Variants in IL1RAPL1 observed in about 807,000 individuals in gnomAD.
IL1RAPL1 encodes the protein interleukin 1 receptor accessory protein like 1.
Under a neutral mutation model 48.4 loss-of-function variants are expected in IL1RAPL1, and 3 were observed. That is an observed-to-expected ratio of 0.06 (90% CI 0.03 to 0.16). The LOEUF is 0.16. Among genes scored for constraint, IL1RAPL1 ranks in the 10% least tolerant of loss-of-function variants. The pLI is 1.00. For synonymous variants in IL1RAPL1, 185 were observed against 187.7 expected (o/e 0.99, Z 0.12); for missense variants, 349 against 530.6 (o/e 0.66, Z 3.36).
chrX:29,062,989 A>G (rs1927374589), intron 2 of IL1RAPL1, among the ~76,000 whole-genome samples: 1 of 111,762 alleles, frequency 8.9e-6, no homozygotes, highest in Admixed American at 9.6e-5. Context: ...CTGAGCCTTA[A>G]ATTAGAAGAG....
chrX:29,787,851 C>G (rs1929537153), intron 6 of IL1RAPL1, among the ~76,000 whole-genome samples: 1 of 112,012 alleles, frequency 8.9e-6, no homozygotes, highest in Non-Finnish European at 1.9e-5. Flanking sequence ...CTAACATAAA[C>G]AGTATCCTTA....
chrX:28,800,151 G>C (rs890802850), intron 2 of IL1RAPL1, among the ~76,000 whole-genome samples: 1 of 111,350 alleles, frequency 9.0e-6, no homozygotes, highest in African/African-American at 3.3e-5. Flanking sequence ...GTTTTCCTTG[G>C]GTTGTAGCTG....
chrX:29,317,575 G>T (rs944906177), intron 3 of IL1RAPL1, among the ~76,000 whole-genome samples: 2 of 112,147 alleles, frequency 1.8e-5, no homozygotes, highest in Non-Finnish European at 3.8e-5. Context: ...GGAGCATCAT[G>T]AAATTTACCA....
chrX:29,741,924 A>C (rs1928213306), intron 6 of IL1RAPL1, among the ~76,000 whole-genome samples: 1 of 100,865 alleles, frequency 9.9e-6, no homozygotes, highest in Non-Finnish European at 2.0e-5. Flanking sequence ...GACTCCGTCA[A>C]AAAAAAAAAA....
chrX:29,106,258 A>G, intron 2 of IL1RAPL1, among the ~76,000 whole-genome samples: 1 of 111,249 alleles, frequency 9.0e-6, no homozygotes, highest in East Asian at 2.8e-4. Flanking sequence ...ATATTGGGAT[A>G]GCCTCTGGTG....
At chrX:28,692,555 G>A (rs1327852639) in intron 1 of IL1RAPL1, among the ~76,000 whole-genome samples, 1 of 111,425 alleles carries the variant, frequency 9.0e-6, no homozygotes, top group Non-Finnish European at 1.9e-5. Flanking sequence ...AAACTCACAT[G>A]TAGAAGCCAC....
At chrX:29,410,492 G>A (rs1934130335) in intron 5 of IL1RAPL1, among the ~76,000 whole-genome samples, 2 of 109,831 alleles carry the variant, frequency 1.8e-5, no homozygotes, top group African/African-American at 3.3e-5. Context: ...TGCTTGCCAA[G>A]TACCTAATAT....
At chrX:29,562,082 AATCT>A (rs1295199167) in intron 5 of IL1RAPL1, among the ~76,000 whole-genome samples, 1 of 69,350 alleles carries the variant, frequency 1.4e-5, no homozygotes, top group African/African-American at 6.9e-5. Flanking sequence ...CTATCTATCT[AATCT>A]ATCTGTCTAT....
intron 1 of IL1RAPL1, among the ~76,000 whole-genome samples, chrX:28,674,726 G>A (rs187813722): frequency 2.7e-5 from 3 of 111,716 alleles, no homozygotes; most frequent in African/African-American, 9.7e-5. Context: ...GTAGACTTAT[G>A]TTTTAATAGC....
In IL1RAPL1 at chrX:29,920,153, A is replaced by T. The variant is rs970231054; in HGVS notation, c.1057+59A>T. The T allele has an allele frequency of 2.6e-6, 3 of 1,161,963 alleles. No homozygotes were observed. The African/African-American group carries it at 5.3e-5, about 21-fold the overall frequency. Reference sequence around the variant, plus strand: ...TGAATGTATGATGGGAGAAAAAATCATTGGGAACCAAGAAACAAATTTAGT... The same window carrying T: ...TGAATGTATGATGGGAGAAAAAATCTTTGGGAACCAAGAAACAAATTTAGT... On this transcript the variant is annotated intron_variant, in intron 8 of 10. Coordinates refer to ENST00000378993, the MANE Select transcript of IL1RAPL1 (RefSeq NM_014271.4).
rs1933955056 is a variant in IL1RAPL1, at chrX:29,399,045, T to C, written c.550-110T>C. Reference sequence around the variant, plus strand: ...ATTATTTAGCATTAGTTTCAAACTTTTTAGTCCCTTTAAAATGCAATTTTA... The same window carrying C: ...ATTATTTAGCATTAGTTTCAAACTTCTTAGTCCCTTTAAAATGCAATTTTA... On this transcript the variant is annotated intron_variant, in intron 4 of 10. Coordinates refer to ENST00000378993, the MANE Select transcript of IL1RAPL1 (RefSeq NM_014271.4). The C allele has an allele frequency of 7.1e-6, 4 of 560,700 alleles. No individual in the cohort carries two copies. The South Asian group carries it at 1.2e-4, about 17-fold the overall frequency. The allele number at this position is 560,700 out of a possible 1,213,427, so 46.2% of individuals were successfully genotyped here.
At chrX:29,184,666 A>G (rs932935604) in intron 2 of IL1RAPL1, among the ~76,000 whole-genome samples, 1 of 109,905 alleles carries the variant, frequency 9.1e-6, no homozygotes, top group Non-Finnish European at 1.9e-5. Flanking sequence ...ACACATGGCT[A>G]CTTTTTGTAT....
At chrX:29,072,991 C>A (rs180852600) in intron 2 of IL1RAPL1, among the ~76,000 whole-genome samples, 2 of 111,805 alleles carry the variant, frequency 1.8e-5, no homozygotes, top group Middle Eastern at 4.6e-3. Context: ...TGTGCTTTCA[C>A]AGTCACCCTG....
At chrX:29,916,185 T>C (rs1298811334) in intron 6 of IL1RAPL1, among the ~76,000 whole-genome samples, 1 of 102,965 alleles carries the variant, frequency 9.7e-6, no homozygotes, top group Non-Finnish European at 2.0e-5. Context: ...GTCTTTGCTA[T>C]TGTGAATAAT....
At chrX:29,352,189 G>C (rs1159410765) in intron 3 of IL1RAPL1, among the ~76,000 whole-genome samples, 1 of 111,494 alleles carries the variant, frequency 9.0e-6, no homozygotes, top group Admixed American at 9.5e-5. Flanking sequence ...TCACCACAGA[G>C]AGCAATAGCT....
At chrX:29,135,503 T>G (rs2147487420) in intron 2 of IL1RAPL1, among the ~76,000 whole-genome samples, 1 of 111,876 alleles carries the variant, frequency 8.9e-6, no homozygotes, top group South Asian at 3.7e-4. Context: ...AAGTTGTAAA[T>G]GAATTATACA....
At chrX:29,597,812 C>T (rs912068945) in intron 5 of IL1RAPL1, among the ~76,000 whole-genome samples, 2 of 111,977 alleles carry the variant, frequency 1.8e-5, no homozygotes, top group African/African-American at 3.2e-5. Context: ...AGTTTATGCA[C>T]GTAAAGGTGT....
intron 3 of IL1RAPL1, among the ~76,000 whole-genome samples, chrX:29,304,556 G>A (rs763549999): frequency 4.2e-4 from 47 of 112,212 alleles, no homozygotes; most frequent in African/African-American, 1.5e-3. Context: ...TATGATGTCA[G>A]AAATTTCTTT....
intron 2 of IL1RAPL1, among the ~76,000 whole-genome samples, chrX:28,790,462 A>G (rs1287314588): frequency 8.9e-6 from 1 of 112,986 alleles, no homozygotes; most frequent in Non-Finnish European, 1.9e-5. Context: ...TGCAGGGGAA[A>G]TAGGGAGCAG....
Sources: allele counts gnomAD v4.1 joint callset (sites outside exome capture counted in the v4.1 genomes callset), GRCh38; gene constraint gnomAD v4.1.1; transcripts MANE v1.5; gene names NCBI Gene and HGNC (gene_info 2026-07-23, HGNC 2026-07-21).